Variants in RABGAP1L observed in about 807,000 individuals in gnomAD.
RABGAP1L encodes RAB GTPase activating protein 1 like.
RABGAP1L carries 63 observed loss-of-function variants against 137.7 expected under a neutral mutation model. The observed-to-expected ratio is 0.46, with a 90% CI of 0.37 to 0.56. RABGAP1L has a LOEUF of 0.56. RABGAP1L is among the 20% of genes least tolerant of loss of function. The probability of loss-of-function intolerance (pLI) is 0.00; values close to 1 mark genes in which losing one functional copy is unlikely to be tolerated. For synonymous variants in RABGAP1L, 431 were observed against 433.7 expected, an observed-to-expected ratio of 0.99 and a Z score of 0.08; for missense variants, 1,095 against 1,244.0, an observed-to-expected ratio of 0.88 and a Z score of 1.80.
chr1:174,378,706 G>C (rs1685816750), intron 12 of RABGAP1L, among the ~76,000 whole-genome samples: 1 of 151,552 alleles, frequency 6.6e-6, no homozygotes, highest in African/African-American at 2.4e-5. Flanking sequence ...AGATGAGTAG[G>C]TTGCGAAAAT....
In RABGAP1L at chr1:174,650,619, T is replaced by C. The variant is rs1392182334; in HGVS notation, c.1824+13131T>C. Among the ~76,000 whole-genome samples, 53 of 152,108 alleles carry C rather than the reference T, an allele frequency of 3.5e-4. No homozygotes were observed. In the South Asian group the frequency reaches 3.9e-3, roughly 11 times the overall value. ...TCTTCTAGATTTTCTAGTTTATTTGTGTAGAGGTATTTGTAGTATTCTCTG... is the reference window on the plus strand; with the variant it reads ...TCTTCTAGATTTTCTAGTTTATTTGCGTAGAGGTATTTGTAGTATTCTCTG... On this transcript the variant is annotated intron_variant, in intron 14 of 25. Coordinates refer to ENST00000681986, the MANE Select transcript of RABGAP1L (RefSeq NM_001366446.1).
chr1:174,964,969 C>A, intron 20 of RABGAP1L: 1 of 1,499,270 alleles, frequency 6.7e-7, no homozygotes, highest in South Asian at 1.2e-5. Flanking sequence ...AGTAGTTGGT[C>A]TATGACTTTT....
chr1:174,608,732 G>C (rs566613602), intron 13 of RABGAP1L, among the ~76,000 whole-genome samples: 1 of 152,230 alleles, frequency 6.6e-6, no homozygotes, highest in African/African-American at 2.4e-5. Context: ...GATTTGAATG[G>C]TATATGGGAA....
chr1:174,484,086 A>T lies in RABGAP1L; in HGVS notation c.1710+89941A>T, dbSNP rs1032593152. 3.9e-5 allele frequency among the ~76,000 whole-genome samples: 6 copies of T among 152,244 alleles called. No individual in the cohort carries two copies. The East Asian group carries it at 1.2e-3, about 29-fold the overall frequency. On this transcript the variant is annotated intron_variant, in intron 13 of 25. Transcript: ENST00000681986. ...CAGCATCTGTTATTGCCTGTCATGG[A>T]TAAAAGCCATTTTAACTGGGGTGAA...
chr1:174,574,277 T>A (rs2148060461), intron 13 of RABGAP1L, among the ~76,000 whole-genome samples: 1 of 152,354 alleles, frequency 6.6e-6, no homozygotes, highest in African/African-American at 2.4e-5. Flanking sequence ...AAATAGATAC[T>A]GATATGTGTA....
intron 11 of RABGAP1L, among the ~76,000 whole-genome samples, chr1:174,323,794 A>T (rs1417538175): frequency 6.6e-6 from 1 of 152,154 alleles, no homozygotes; most frequent in Non-Finnish European, 1.5e-5. Flanking sequence ...TCTCTTCAAA[A>T]TGTCTTTTAG....
intron 19 of RABGAP1L, among the ~76,000 whole-genome samples, chr1:174,839,047 G>A (rs867473362): frequency 1.4e-5 from 2 of 138,384 alleles, no homozygotes; most frequent in African/African-American, 5.1e-5. Context: ...GTGTGTGTGT[G>A]TGTGTGTGTT....
intron 10 of RABGAP1L, among the ~76,000 whole-genome samples, chr1:174,280,447 T>C (rs200276618): frequency 7.9e-5 from 12 of 152,324 alleles, no homozygotes; most frequent in East Asian, 3.9e-4. Context: ...GTTGAACTTA[T>C]TGAATGAAAC....
intron 13 of RABGAP1L, among the ~76,000 whole-genome samples, chr1:174,446,740 T>G (rs746879834): frequency 1.3e-5 from 2 of 152,222 alleles, no homozygotes; most frequent in Non-Finnish European, 2.9e-5. Flanking sequence ...AAGAGGCATT[T>G]TTTAACATAT....
At chr1:174,401,000 G>T (rs1329511333) in intron 13 of RABGAP1L, among the ~76,000 whole-genome samples, 1 of 152,064 alleles carries the variant, frequency 6.6e-6, no homozygotes, top group East Asian at 1.9e-4. Flanking sequence ...GAAAATCTCT[G>T]GATGAGATTC....
At chr1:174,197,669 G>A (rs577921040) in intron 1 of RABGAP1L, among the ~76,000 whole-genome samples, 3 of 152,060 alleles carry the variant, frequency 2.0e-5, no homozygotes, top group African/African-American at 7.2e-5. Context: ...CATTGGTTGC[G>A]GGCGCATGTA....
chr1:174,217,075 A>G (rs1185310657), intron 1 of RABGAP1L, among the ~76,000 whole-genome samples: 1 of 152,138 alleles, frequency 6.6e-6, no homozygotes, highest in African/African-American at 2.4e-5. Context: ...TGTGAGTCTT[A>G]TTTTGGAAGT....
intron 13 of RABGAP1L, among the ~76,000 whole-genome samples, chr1:174,412,266 TCTAATATAA>T (rs1650025143): frequency 6.6e-6 from 1 of 152,178 alleles, no homozygotes. Flanking sequence ...GTGTGTTTTA[TCTAATATAA>T]GAACAGCCAC....
At chr1:174,635,914 T>A (rs1358628121) in intron 13 of RABGAP1L, among the ~76,000 whole-genome samples, 1 of 152,202 alleles carries the variant, frequency 6.6e-6, no homozygotes, top group Admixed American at 6.5e-5. Context: ...TGGCATTCAT[T>A]AAAATAACAT....
intron 13 of RABGAP1L, among the ~76,000 whole-genome samples, chr1:174,454,031 G>A (rs1276130272): frequency 2.0e-5 from 3 of 152,260 alleles, no homozygotes; most frequent in South Asian, 2.1e-4. Flanking sequence ...TTGGGAGGCC[G>A]AGGCGGGCAG....
intron 11 of RABGAP1L, among the ~76,000 whole-genome samples, chr1:174,352,318 ATTCT>A (rs1458913752): frequency 2.0e-5 from 3 of 151,822 alleles, no homozygotes; most frequent in East Asian, 1.9e-4. Flanking sequence ...AAGGTGACTA[ATTCT>A]TTCTTCTGCT....
At chr1:174,985,637 T>G (rs1671528585) in intron 24 of RABGAP1L, among the ~76,000 whole-genome samples, 1 of 152,208 alleles carries the variant, frequency 6.6e-6, no homozygotes, top group South Asian at 2.1e-4. Flanking sequence ...AACCTTCTTT[T>G]GTCATGATCA....
At chr1:174,534,729 C>T (rs1203516771) in intron 13 of RABGAP1L, among the ~76,000 whole-genome samples, 2 of 126,484 alleles carry the variant, frequency 1.6e-5, no homozygotes, top group African/African-American at 5.9e-5. Context: ...GAGCCGAGTT[C>T]ATGCCACTGC....
At chr1:174,341,700 T>G (rs1681985347) in intron 11 of RABGAP1L, among the ~76,000 whole-genome samples, 1 of 152,216 alleles carries the variant, frequency 6.6e-6, no homozygotes, top group Non-Finnish European at 1.5e-5. Context: ...TTCTAAAGTT[T>G]TAAGCTATTA....
Sources: allele counts gnomAD v4.1 joint callset (sites outside exome capture counted in the v4.1 genomes callset), GRCh38; gene constraint gnomAD v4.1.1; transcripts MANE v1.5; gene names NCBI Gene and HGNC (gene_info 2026-07-23, HGNC 2026-07-21).